Variants in OGN observed in about 807,000 individuals in gnomAD.
OGN encodes the protein osteoglycin, also known as mimecan.
In OGN, 19 loss-of-function variants were observed where a neutral mutation model predicts 30.8. That is an observed-to-expected ratio of 0.62 (90% confidence interval 0.43 to 0.90). OGN has a LOEUF of 0.90. OGN is among the 40% of genes least tolerant of loss of function. The pLI, the probability that OGN is intolerant of heterozygous loss-of-function variation, is 0.00. For missense variants in OGN, 283 were observed against 349.7 expected, an observed-to-expected ratio of 0.81 and a Z score of 1.52; for synonymous variants, 126 against 128.3, an observed-to-expected ratio of 0.98 and a Z score of 0.12.
chr9:92,392,128 A>C (rs1842711269), intron 4 of OGN, among the ~76,000 whole-genome samples: 1 of 152,122 alleles, frequency 6.6e-6, no homozygotes, highest in South Asian at 2.1e-4. Flanking sequence ...TGGTGTGCTT[A>C]TGGCAACACT....
In OGN at chr9:92,403,249, A is replaced by G. The variant is rs778949003; in HGVS notation, c.159T>C (p.Asp53=). The G allele has an allele frequency of 6.3e-7, 1 of 1,579,322 alleles. No individual in the cohort carries two copies. Among genetic ancestry groups the G allele is most frequent in the South Asian group, 1.1e-5 (1 of 87,586 alleles). Residue 53 remains aspartate (D), a synonymous_variant, in exon 2 of 7, where the codon GAT becomes GAC. Transcript: ENST00000375561. The part of the protein sequence containing the change: ...FSQDYEDKYL[D]GKNIKEKETV... ...AATAAAGTACCTTAATATTTTTTCCATCCAGGTATTTATCCTCATAATCTT... is the reference window on the plus strand; with the variant it reads ...AATAAAGTACCTTAATATTTTTTCCGTCCAGGTATTTATCCTCATAATCTT...
intron 3 of OGN, among the ~76,000 whole-genome samples, chr9:92,395,989 A>G (rs762398708): frequency 2.6e-5 from 4 of 151,916 alleles, no homozygotes; most frequent in Non-Finnish European, 5.9e-5. Flanking sequence ...TGTATAGTTT[A>G]AGATCTTTAC....
chr9:92,390,563 AGT>A (rs61628295), intron 4 of OGN, among the ~76,000 whole-genome samples: 1,606 of 150,520 alleles, frequency 0.011, 13 homozygotes, highest in South Asian at 0.056. Flanking sequence ...AGAGAAATTC[AGT>A]GTGTGTGTGT....
Position 92,389,934 on chromosome 9 carries a change from C to T in OGN, c.550G>A (p.Val184Ile). 6.2e-7 allele frequency: 1 copy of T among 1,613,162 alleles called. No homozygotes were observed. Among genetic ancestry groups the T allele is most frequent in the Non-Finnish European group, 8.5e-7 (1 of 1,179,468 alleles). Residue 184 changes from valine to isoleucine, a missense_variant, in exon 5 of 7, where the codon GTT becomes ATT. Coordinates refer to ENST00000375561, the MANE Select transcript of OGN (RefSeq NM_014057.5). Reference protein sequence around the residue: ...LAENQLLKLPVLPPKLTLFNA... With the variant: ...LAENQLLKLPILPPKLTLFNA... ...AATAAAGTGAGCTTGGGAGGAAGAA[C>T]TGGAAGTTTTAGTAGTTGATTTTCA...
At chr9:92,400,040 A>G (rs1166338689) in intron 3 of OGN, among the ~76,000 whole-genome samples, 1 of 152,198 alleles carries the variant, frequency 6.6e-6, no homozygotes, top group Non-Finnish European at 1.5e-5. Context: ...AAAAAAATTT[A>G]TTGGTAATTT....
rs1053730165 is a variant in OGN at position 92,393,235 on chromosome 9, G to A, written c.278C>T (p.Thr93Met). 33 of 1,569,216 alleles carry A rather than the reference G, an allele frequency of 2.1e-5. No individual in the cohort carries two copies. Among genetic ancestry groups the A allele is most frequent in the East Asian group, 4.5e-5 (2 of 44,004 alleles). Residue 93 changes from threonine to methionine, a missense_variant, in exon 4 of 7, where the codon ACG (threonine) becomes ATG (methionine). Physicochemically the swap from Thr to Met is moderately conservative, Grantham distance 81 (BLOSUM62 -1). Transcript: ENST00000375561. ...PPKKENDEMP[T>M]CLLCVCLSGS... ...ACTTAAACAAACACACAGCAGACAC[G>A]TGGGCATTTCTAAATTGGGAATAAA... is the stretch of plus-strand genomic sequence containing the variant.
chr9:92,391,631 A>T (rs1030279785), intron 4 of OGN, among the ~76,000 whole-genome samples: 1 of 152,052 alleles, frequency 6.6e-6, no homozygotes, highest in Non-Finnish European at 1.5e-5. Context: ...ACAAAAATCA[A>T]TAAACAGCAA....
At chr9:92,390,274 T>C (rs1273972413) in intron 4 of OGN, among the ~76,000 whole-genome samples, 1 of 152,178 alleles carries the variant, frequency 6.6e-6, no homozygotes, top group Non-Finnish European at 1.5e-5. Flanking sequence ...TCCTAGAATC[T>C]CAGGTTTGAA....
chr9:92,395,125 C>T (rs1842843704), intron 3 of OGN, among the ~76,000 whole-genome samples: 1 of 152,080 alleles, frequency 6.6e-6, no homozygotes, highest in South Asian at 2.1e-4. Flanking sequence ...CCCCATGAAA[C>T]GTTCACTACA....
chr9:92,386,821 A>T (rs1304866911), intron 5 of OGN, among the ~76,000 whole-genome samples: 1 of 151,936 alleles, frequency 6.6e-6, no homozygotes, highest in Non-Finnish European at 1.5e-5. Context: ...TGACCTCGTG[A>T]TCTGCCCGCC....
At chr9:92,390,416 T>A (rs1055201835) in intron 4 of OGN, among the ~76,000 whole-genome samples, 1 of 151,638 alleles carries the variant, frequency 6.6e-6, no homozygotes, top group African/African-American at 2.4e-5. Flanking sequence ...AATCATGTAA[T>A]TTTTTTTATT....
At chr9:92,398,007 A>G (rs951407074) in intron 3 of OGN, among the ~76,000 whole-genome samples, 12 of 152,166 alleles carry the variant, frequency 7.9e-5, no homozygotes, top group African/African-American at 2.9e-4. Flanking sequence ...CCGTATTTGT[A>G]ATGTTTCTCT....
At position 92,386,164 on chromosome 9, in the gene OGN, T is replaced by C. The variant is rs771031441; in HGVS notation, c.726+37A>G. ...GAGTCACAAGATTTTGACTCATAGG[T>C]AATTAGAGTCAGATATTGTGAAAGG... On this transcript the variant is annotated intron_variant, in intron 6 of 6. Transcript: ENST00000375561. 8 of 1,432,056 alleles carry C rather than the reference T, an allele frequency of 5.6e-6. No homozygotes were observed. The Admixed American group carries it at 1.3e-4, about 24-fold the overall frequency. The allele number at this position is 1,432,056 out of a possible 1,614,324, so 88.7% of individuals were successfully genotyped here. A position where few individuals can be genotyped will look rare whatever the true frequency, so the allele number is the denominator to read the frequency against.
chr9:92,393,271 T>A, intron 3 of OGN, 27 bp from the exon 4 acceptor site: 1 of 1,554,456 alleles, frequency 6.4e-7, no homozygotes, highest in Non-Finnish European at 8.7e-7. Context: ...ATCATAAAAA[T>A]ATGAACAATC....
intron 5 of OGN, among the ~76,000 whole-genome samples, chr9:92,388,607 A>G (rs986346870): frequency 1.8e-3 from 271 of 151,756 alleles, no homozygotes; most frequent in African/African-American, 6.0e-3. Context: ...TTGGGAGGCC[A>G]AAGTGGGCGG....
chr9:92,395,494 C>T (rs1842858178), intron 3 of OGN, among the ~76,000 whole-genome samples: 1 of 152,114 alleles, frequency 6.6e-6, no homozygotes, highest in African/African-American at 2.4e-5. Context: ...TTTGTGTGGA[C>T]TTAATGCTTT....
In OGN at chr9:92,385,623, A is replaced by C. The variant is rs774104675; in HGVS notation, c.894T>G (p.Phe298Leu). ...TTATATGTTGTACCAATAGAGGTTA[A>C]AAGTATGACCCTATCGGTAATCTTT... ...CLKRLPIGSY[F>L] Residue 298 changes from phenylalanine (F) to leucine (L), a missense_variant, in exon 7 of 7, where the codon TTT (phenylalanine) becomes TTG (leucine). Transcript: ENST00000375561. 126 of 1,613,830 alleles carry C rather than the reference A, an allele frequency of 7.8e-5. No homozygotes were observed. Among genetic ancestry groups the C allele is most frequent in the Non-Finnish European group, 1.0e-4 (118 of 1,179,850 alleles).
At chr9:92,400,786 T>C (rs1352328218) in intron 3 of OGN, among the ~76,000 whole-genome samples, 2 of 152,234 alleles carry the variant, frequency 1.3e-5, no homozygotes, top group Admixed American at 6.5e-5. Flanking sequence ...GGCTGCACAT[T>C]GTATTTTGCA....
chr9:92,404,454 T>C lies in OGN; in HGVS notation c.-76+42A>G, dbSNP rs374524047. ...ACTATTAGATGAGTCAGTCGCACTT[T>C]AACAAACAATATTTAAAATAATATA... On this transcript the variant is annotated intron_variant, in intron 1 of 6. Coordinates refer to ENST00000375561, the MANE Select transcript of OGN (RefSeq NM_014057.5). The C allele has an allele frequency of 3.4e-4, 418 of 1,215,512 alleles. 1 individual carries two copies. Among genetic ancestry groups the C allele is most frequent in the Non-Finnish European group, 3.7e-4 (343 of 936,582 alleles). 75.3% of individuals were successfully genotyped at this position (1,215,512 alleles called of 1,614,324 possible).
Sources: gnomAD v4.1 joint callset for allele counts (sites outside exome capture counted in the v4.1 genomes callset) on GRCh38, gnomAD v4.1.1 for gene constraint, MANE v1.5 for transcripts, NCBI Gene and HGNC (gene_info 2026-07-23, HGNC 2026-07-21) for gene names.